MAP2K5: variants seen among roughly 807,000 people sequenced by gnomAD.
The protein encoded by MAP2K5 is mitogen-activated protein kinase kinase 5.
A neutral mutation model predicts 83.1 loss-of-function variants in MAP2K5; 49 were observed. The ratio of observed to expected loss-of-function variants is 0.59; its 90% CI spans 0.47 to 0.75. The LOEUF is 0.75. Ranked by LOEUF, MAP2K5 falls within the 30% of genes least tolerant of loss-of-function variation. The pLI is 0.00. For synonymous variants in MAP2K5, 202 were observed against 191.8 expected (o/e 1.05, Z -0.44); for missense variants, 457 against 557.5 (o/e 0.82, Z 1.82).
rs2090269050 is a variant in MAP2K5, at chr15:67,778,083, T to C, written c.1242+5331T>C. Among the ~76,000 whole-genome samples, 1 of 152,224 alleles carries C rather than the reference T, an allele frequency of 6.6e-6. No individual in the cohort carries two copies. On this transcript the variant is annotated intron_variant, in intron 21 of 21. Coordinates refer to ENST00000178640, the MANE Select transcript of MAP2K5 (RefSeq NM_145160.3). The surrounding 1 kb of genome is among the most constrained non-coding windows in gnomAD (Gnocchi z 5.0). ...GCATCTCATTTCTCAGCTAAGGCTT[T>C]ATGTATAAGAGGTGGTAATGTTTGG...
At chr15:67,586,940 C>T (rs1315804255) in intron 6 of MAP2K5, 27 bp downstream of exon 6, 2 of 1,612,124 alleles carry the variant, frequency 1.2e-6, no homozygotes, top group South Asian at 1.1e-5. Context: ...AAAGTGTGCC[C>T]TTGATGTGAT....
At position 67,650,176 on chromosome 15, in the gene MAP2K5, T is replaced by C. The variant is rs182871567; in HGVS notation, c.736+3707T>C. 3.9e-4 allele frequency among the ~76,000 whole-genome samples: 59 copies of C among 152,358 alleles called. 1 individual carries two copies. Among genetic ancestry groups the C allele is most frequent in the African/African-American group, 1.3e-3 (53 of 41,598 alleles). On this transcript the variant is annotated intron_variant, in intron 11 of 21. Coordinates refer to ENST00000178640, the MANE Select transcript of MAP2K5 (RefSeq NM_145160.3). ...TGATTTTTGTATATTGATCTTGTAT[T>C]CTGCAACCTTGCTGAACTTGTTTAC...
In MAP2K5 at chr15:67,806,757, C is replaced by A. The variant is rs754991388; in HGVS notation, c.*7C>A. 1.9e-6 allele frequency: 3 copies of A among 1,561,568 alleles called. No homozygotes were observed. On this transcript the variant is annotated 3_prime_UTR_variant, in exon 22 of 22. Transcript: ENST00000178640. The stretch of plus-strand genomic sequence containing the variant: ...CCAGCAGGGGCCCCCGTGAGGCTGC[C>A]GCAGGGCACTGAAAGCCCAGGACCA...
At chr15:67,656,434 C>T (rs1370562927) in intron 11 of MAP2K5, among the ~76,000 whole-genome samples, 1 of 151,610 alleles carries the variant, frequency 6.6e-6, no homozygotes, top group Non-Finnish European at 1.5e-5. Flanking sequence ...AAGCAATTCT[C>T]CTGCCTCAGC....
At chr15:67,733,247 C>T (rs995312307) in intron 17 of MAP2K5, among the ~76,000 whole-genome samples, 5 of 152,056 alleles carry the variant, frequency 3.3e-5, no homozygotes, top group East Asian at 1.9e-4. Context: ...GGAATTTTTT[C>T]GTTTGATTGA....
At chr15:67,594,649 T>C (rs2085485431) in intron 7 of MAP2K5, among the ~76,000 whole-genome samples, 1 of 152,254 alleles carries the variant, frequency 6.6e-6, no homozygotes, top group Admixed American at 6.5e-5. Context: ...GCTTCAGTTA[T>C]GAGGTTCTCT....
chr15:67,755,594 C>T lies in MAP2K5; in HGVS notation c.1134+6993C>T, dbSNP rs888184567. Among the ~76,000 whole-genome samples, 4 of 152,108 alleles carry T rather than the reference C, an allele frequency of 2.6e-5. No homozygotes were observed. Among genetic ancestry groups the T allele is most frequent in the Non-Finnish European group, 5.9e-5 (4 of 68,010 alleles). On this transcript the variant is annotated intron_variant, in intron 19 of 21. Coordinates refer to ENST00000178640, the MANE Select transcript of MAP2K5 (RefSeq NM_145160.3). The surrounding 1 kb of genome is among the most constrained non-coding windows in gnomAD (Gnocchi z 4.7). ...TCCAAGTGAAGAGTCCATGTGAGGC[C>T]TCTTGTGAGTCCAGATGTTTGGTGG... is the stretch of plus-strand genomic sequence containing the variant.
At chr15:67,612,997 TAAAAG>T (rs5813450) in intron 8 of MAP2K5, among the ~76,000 whole-genome samples, 125,433 of 151,438 alleles carry the variant, frequency 0.83, 52,885 homozygotes, top group Middle Eastern at 0.93. Flanking sequence ...AGCTGATAGT[TAAAAG>T]AGGAGTTATT....
At chr15:67,544,971 C>T (rs1471099795) in intron 1 of MAP2K5, among the ~76,000 whole-genome samples, 1 of 152,166 alleles carries the variant, frequency 6.6e-6, no homozygotes, top group Admixed American at 6.5e-5. Context: ...GGCCCAGGCT[C>T]CTTCATGTGG....
At chr15:67,699,671 A>G (rs892625553) in intron 15 of MAP2K5, among the ~76,000 whole-genome samples, 6 of 152,200 alleles carry the variant, frequency 3.9e-5, no homozygotes, top group African/African-American at 1.4e-4. Flanking sequence ...CTAGCAAGCA[A>G]AGAGAACCAG....
chr15:67,553,346 G>T (rs545520539), intron 2 of MAP2K5, among the ~76,000 whole-genome samples: 1 of 152,292 alleles, frequency 6.6e-6, no homozygotes, highest in African/African-American at 2.4e-5. Context: ...ACTACTCCAG[G>T]TTTACGTTCT....
chr15:67,553,782 G>A (rs943739472), intron 2 of MAP2K5, among the ~76,000 whole-genome samples: 6 of 151,034 alleles, frequency 4.0e-5, no homozygotes, highest in African/African-American at 9.7e-5. Flanking sequence ...GCGCGGTGGC[G>A]GGCGCCTGTA....
intron 1 of MAP2K5, among the ~76,000 whole-genome samples, chr15:67,547,277 A>G (rs2084411335): frequency 6.6e-6 from 1 of 152,126 alleles, no homozygotes; most frequent in African/African-American, 2.4e-5. Context: ...CCTAAAGTCA[A>G]GGATCAAGTT....
chr15:67,710,069 C>A (rs575944661), intron 16 of MAP2K5, among the ~76,000 whole-genome samples: 153 of 152,270 alleles, frequency 1.0e-3, no homozygotes, highest in African/African-American at 3.6e-3. Context: ...GCTAGGTTGC[C>A]CAGGCTTGCC....
chr15:67,721,627 A>G (rs540881498), intron 16 of MAP2K5, among the ~76,000 whole-genome samples: 4 of 152,284 alleles, frequency 2.6e-5, no homozygotes, highest in South Asian at 4.1e-4. Flanking sequence ...CTTTGCCACC[A>G]ACTTACAGTA....
At chr15:67,796,637 A>G (rs551965408) in intron 21 of MAP2K5, among the ~76,000 whole-genome samples, 17 of 152,242 alleles carry the variant, frequency 1.1e-4, no homozygotes, top group Non-Finnish European at 2.4e-4. Flanking sequence ...GAGTGAGGTC[A>G]AATATCCAAA....
At chr15:67,800,372 A>G (rs1011485800) in intron 21 of MAP2K5, among the ~76,000 whole-genome samples, 14 of 152,284 alleles carry the variant, frequency 9.2e-5, no homozygotes, top group Non-Finnish European at 1.8e-4. Context: ...AAAGTCATCC[A>G]TGAGACTTAA....
rs56151723 is a variant in MAP2K5 at position 67,637,921 on chromosome 15, A to C, written c.585+6994A>C. Reference sequence around the variant, plus strand: ...CTGGAAGCCTGTTGATGTGTGTGTGAGTGTGTGTGTATGTGTGTTTTAGTA... The same window carrying C: ...CTGGAAGCCTGTTGATGTGTGTGTGCGTGTGTGTGTATGTGTGTTTTAGTA... On this transcript the variant is annotated intron_variant, in intron 9 of 21. Coordinates refer to ENST00000178640, the MANE Select transcript of MAP2K5 (RefSeq NM_145160.3). This position sits in a 1 kb window ranked among gnomAD's most constrained non-coding sequence, Gnocchi z 4.5. Among the ~76,000 whole-genome samples the C allele has an allele frequency of 5.3e-5, 8 of 151,796 alleles. No individual in the cohort carries two copies. The highest frequency in any genetic ancestry group is 4.6e-4 in the Admixed American group (7 of 15,242).
Position 67,665,657 on chromosome 15 carries a change from A to G in MAP2K5, c.847+1012A>G, listed in dbSNP as rs184240945. On this transcript the variant is annotated intron_variant, in intron 13 of 21. Transcript: ENST00000178640. This position sits in a 1 kb window ranked among gnomAD's most constrained non-coding sequence, Gnocchi z 4.2. ...CCTCCTTTTTAATGAGGGTATCTAG[A>G]TTTTGACAAATCAAATAGTCAGGTT... 2.7e-4 allele frequency among the ~76,000 whole-genome samples: 41 copies of G among 152,294 alleles called. No individual in the cohort carries two copies. The highest frequency in any genetic ancestry group is 2.0e-4 in the Admixed American group (3 of 15,296).
Sources: gnomAD v4.1 joint callset for allele counts (sites outside exome capture counted in the v4.1 genomes callset) on GRCh38, gnomAD v4.1.1 for gene constraint, Gnocchi (gnomAD v3.1) non-coding constraint, MANE v1.5 for transcripts, NCBI Gene and HGNC (gene_info 2026-07-23, HGNC 2026-07-21) for gene names.